RBFOX1: variants seen among roughly 807,000 people sequenced by gnomAD.
RBFOX1 encodes the protein RNA binding fox-1 homolog 1.
Under a neutral mutation model 57.7 loss-of-function variants are expected in RBFOX1, and 8 were observed. The ratio of observed to expected loss-of-function variants is 0.14; its 90% confidence interval spans 0.08 to 0.25. The LOEUF is 0.25. RBFOX1 is among the 10% of genes least tolerant of loss of function. RBFOX1 has a pLI of 1.00. For missense variants in RBFOX1, 611 were observed against 548.5 expected (o/e 1.11, Z -1.14); for synonymous variants, 326 against 222.4 (o/e 1.47, Z -4.15).
At chr16:6,993,637 A>G (rs2153615716) in intron 3 of RBFOX1, among the ~76,000 whole-genome samples, 1 of 152,286 alleles carries the variant, frequency 6.6e-6, no homozygotes, top group African/African-American at 2.4e-5. Context: ...CAGCCGGGCC[A>G]CTTCTTCACT....
At chr16:5,439,210 T>A (rs2068008821) in intron 1 of RBFOX1, among the ~76,000 whole-genome samples, 1 of 151,892 alleles carries the variant, frequency 6.6e-6, no homozygotes, top group Non-Finnish European at 1.5e-5. Context: ...GAAGATGTGG[T>A]ATGGAATGTG....
At chr16:7,621,327 C>T (rs2059286633) in intron 10 of RBFOX1, among the ~76,000 whole-genome samples, 1 of 151,958 alleles carries the variant, frequency 6.6e-6, no homozygotes, top group East Asian at 1.9e-4. Context: ...GTGGTGCAAG[C>T]TCAGTTCATT....
intron 4 of RBFOX1, among the ~76,000 whole-genome samples, chr16:5,977,957 C>A (rs982957257): frequency 6.6e-6 from 1 of 151,828 alleles, no homozygotes; most frequent in African/African-American, 2.4e-5. Context: ...CATTGCCATG[C>A]TGGCTTCAAT....
intron 12 of RBFOX1, among the ~76,000 whole-genome samples, chr16:7,659,366 T>G (rs890748256): frequency 1.3e-5 from 2 of 152,212 alleles, no homozygotes; most frequent in Non-Finnish European, 1.5e-5. Context: ...CAGCCATGCT[T>G]TCTGGTTTTA....
intron 4 of RBFOX1, among the ~76,000 whole-genome samples, chr16:7,410,493 C>A (rs149070577): frequency 5.6e-4 from 85 of 152,258 alleles, no homozygotes; most frequent in African/African-American, 2.0e-3. Flanking sequence ...ACCAGCCTGA[C>A]CAACATGGAG....
intron 11 of RBFOX1, among the ~76,000 whole-genome samples, chr16:7,648,282 C>T (rs967083198): frequency 2.0e-5 from 3 of 152,056 alleles, no homozygotes; most frequent in East Asian, 1.9e-4. Context: ...TGCATTGGCG[C>T]GATTTCTGCT....
chr16:7,374,687 A>G (rs1314218809), intron 4 of RBFOX1, among the ~76,000 whole-genome samples: 1 of 152,184 alleles, frequency 6.6e-6, no homozygotes, highest in East Asian at 1.9e-4. Context: ...AAATACCTAA[A>G]CATTCCCTCT....
chr16:6,641,335 C>A (rs1383935931), intron 2 of RBFOX1, among the ~76,000 whole-genome samples: 1 of 152,132 alleles, frequency 6.6e-6, no homozygotes, highest in Non-Finnish European at 1.5e-5. Flanking sequence ...ACCTTCACTC[C>A]CTCCCAACGC....
chr16:7,054,157 A>G (rs935452008), intron 4 of RBFOX1, among the ~76,000 whole-genome samples: 1 of 121,216 alleles, frequency 8.2e-6, no homozygotes, highest in East Asian at 2.6e-4. Flanking sequence ...TGTGTCTGTA[A>G]GAGCCCTTCC....
rs188142829 is a variant in RBFOX1, at chr16:5,551,450, A to C, written c.259-47452A>C. Among the ~76,000 whole-genome samples, 375 of 152,310 alleles carry C rather than the reference A, an allele frequency of 2.5e-3. 3 individuals carry two copies. Among genetic ancestry groups the C allele is most frequent in the African/African-American group, 8.6e-3 (358 of 41,560 alleles). Reference sequence around the variant, plus strand: ...AACAAGCATCTCTTGTTACCACTAAATTGTGCTGCCTGCTGCAGCCAGGGA... The same window carrying C: ...AACAAGCATCTCTTGTTACCACTAACTTGTGCTGCCTGCTGCAGCCAGGGA... On this transcript the variant is annotated intron_variant, in intron 2 of 2. Transcript: ENST00000585867.
At chr16:5,861,630 C>G (rs568448841) in intron 3 of RBFOX1, among the ~76,000 whole-genome samples, 2 of 152,314 alleles carry the variant, frequency 1.3e-5, no homozygotes, top group South Asian at 2.1e-4. Context: ...CATAAGCAGC[C>G]TTCACCCATA....
chr16:6,221,915 C>A (rs1218123141), intron 1 of RBFOX1, among the ~76,000 whole-genome samples: 1 of 152,150 alleles, frequency 6.6e-6, no homozygotes, highest in Non-Finnish European at 1.5e-5. Flanking sequence ...TGGGTGGGGA[C>A]ACAGCCAAAC....
At chr16:6,947,728 A>G (rs921920499) in intron 3 of RBFOX1, among the ~76,000 whole-genome samples, 5 of 152,160 alleles carry the variant, frequency 3.3e-5, no homozygotes, top group African/African-American at 1.2e-4. Context: ...ATAAACGTTT[A>G]CTTAGGTGGC....
At chr16:7,197,714 T>C (rs1429776466) in intron 4 of RBFOX1, among the ~76,000 whole-genome samples, 1 of 152,158 alleles carries the variant, frequency 6.6e-6, no homozygotes, top group Non-Finnish European at 1.5e-5. Flanking sequence ...CTAAATGTGG[T>C]ATATCCCTGT....
intron 3 of RBFOX1, among the ~76,000 whole-genome samples, chr16:6,865,334 T>G (rs991555037): frequency 6.6e-6 from 1 of 152,026 alleles, no homozygotes; most frequent in Admixed American, 6.6e-5. Context: ...TTATAATAAT[T>G]ACTTGAATAA....
chr16:7,475,327 T>C (rs1469962535), intron 4 of RBFOX1, among the ~76,000 whole-genome samples: 1 of 145,728 alleles, frequency 6.9e-6, no homozygotes, highest in Non-Finnish European at 1.5e-5. Flanking sequence ...TTTTTTTTTT[T>C]CTTTCTAGAT....
chr16:7,265,434 CATTT>C (rs755885588), intron 4 of RBFOX1, among the ~76,000 whole-genome samples: 5 of 151,530 alleles, frequency 3.3e-5, no homozygotes, highest in African/African-American at 7.3e-5. Flanking sequence ...TTCCTTTATT[CATTT>C]ATTTATTTGT....
rs1041898834 is a variant in RBFOX1 at position 5,531,435 on chromosome 16, A to T, written c.258+64181A>T. On this transcript the variant is annotated intron_variant, in intron 2 of 2. Coordinates refer to the RBFOX1 transcript ENST00000585867. ...TGAGAACTCACAAAGGCTTAGAAGT[A>T]GGGGTAATAGAACTAGCTTCTTTCT... 8.3e-4 allele frequency among the ~76,000 whole-genome samples: 127 copies of T among 152,336 alleles called. 2 individuals carry two copies. Among genetic ancestry groups the T allele is most frequent in the African/African-American group, 3.0e-3 (125 of 41,582 alleles).
chr16:5,373,697 G>A (rs1345329952), intron 1 of RBFOX1, among the ~76,000 whole-genome samples: 1 of 145,752 alleles, frequency 6.9e-6, no homozygotes, highest in Non-Finnish European at 1.5e-5. Context: ...TTTGCCTCCC[G>A]GGTTCAGGCT....
Sources: allele counts gnomAD v4.1 joint callset (sites outside exome capture counted in the v4.1 genomes callset), GRCh38; gene constraint gnomAD v4.1.1; transcripts MANE v1.5; gene names NCBI Gene and HGNC (gene_info 2026-07-23, HGNC 2026-07-21).